Variants in PCDH11X observed in about 807,000 individuals in gnomAD.
PCDH11X encodes protocadherin 11 X-linked.
Under a neutral mutation model 53.3 loss-of-function variants are expected in PCDH11X, and 18 were observed. That is an observed-to-expected ratio of 0.34 (90% confidence interval 0.23 to 0.50). The LOEUF (loss-of-function observed/expected upper bound fraction) is 0.50. Ranked by LOEUF, PCDH11X falls within the 20% of genes least tolerant of loss-of-function variation. PCDH11X has a pLI of 0.98. For synonymous variants in PCDH11X, 279 were observed against 393.3 expected (o/e 0.71, Z 3.44); for missense variants, 570 against 1,032.4 (o/e 0.55, Z 6.14).
intron 10 of PCDH11X, among the ~76,000 whole-genome samples, chrX:92,607,925 A>T (rs1926990061): frequency 9.0e-6 from 1 of 111,293 alleles, no homozygotes; most frequent in South Asian, 3.7e-4. Context: ...TTGTGCAAAA[A>T]ATATAGAACA....
intron 6 of PCDH11X, among the ~76,000 whole-genome samples, chrX:91,917,569 CAAAAAAAA>C (rs59199030): frequency 4.4e-4 from 7 of 15,890 alleles, no homozygotes; most frequent in South Asian, 0.015. Context: ...ACAGCAGCTG[CAAAAAAAA>C]AAAAAAAAAA....
intron 2 of PCDH11X, among the ~76,000 whole-genome samples, chrX:91,809,981 T>C (rs1450121534): frequency 9.0e-6 from 1 of 111,396 alleles, no homozygotes; most frequent in Non-Finnish European, 1.9e-5. Context: ...ATTAGTATCA[T>C]TATTATCACT....
intron 7 of PCDH11X, among the ~76,000 whole-genome samples, chrX:92,221,366 C>T (rs1474848896): frequency 2.9e-5 from 3 of 104,780 alleles, no homozygotes; most frequent in Non-Finnish European, 5.8e-5. Context: ...CAGATTGGTT[C>T]TGGTCCGAGG....
chrX:91,811,700 C>G (rs1185789435), intron 4 of PCDH11X, among the ~76,000 whole-genome samples: 3 of 104,815 alleles, frequency 2.9e-5, no homozygotes, highest in Non-Finnish European at 5.9e-5. Context: ...TATCAGTGTA[C>G]TGAAAAATTC....
At chrX:92,076,086 C>T (rs1052056968) in intron 6 of PCDH11X, among the ~76,000 whole-genome samples, 1 of 108,708 alleles carries the variant, frequency 9.2e-6, no homozygotes, top group Non-Finnish European at 1.9e-5. Context: ...CCTGAACTCT[C>T]CTTGTGATTG....
chrX:91,806,245 G>A (rs1161314656), intron 1 of PCDH11X, among the ~76,000 whole-genome samples: 4 of 114,059 alleles, frequency 3.5e-5, no homozygotes, highest in African/African-American at 1.3e-4. Context: ...GTGAAGGAAT[G>A]TCTTGTGTGT....
At chrX:92,317,912 C>T (rs1481878666) in intron 8 of PCDH11X, among the ~76,000 whole-genome samples, 2 of 111,130 alleles carry the variant, frequency 1.8e-5, no homozygotes, top group African/African-American at 3.3e-5. Context: ...CCTCAACATA[C>T]AGTAATTTTT....
At chrX:92,194,197 T>G (rs1257474457) in intron 6 of PCDH11X, among the ~76,000 whole-genome samples, 1 of 111,857 alleles carries the variant, frequency 8.9e-6, no homozygotes, top group Non-Finnish European at 1.9e-5. Flanking sequence ...GTGCCTACAT[T>G]GAGGAGTAAT....
chrX:92,122,075 C>A (rs1164432877), intron 6 of PCDH11X, among the ~76,000 whole-genome samples: 4 of 105,991 alleles, frequency 3.8e-5, no homozygotes, highest in Middle Eastern at 4.8e-3. Flanking sequence ...ACCTCCACCT[C>A]CTGGGTTCAA....
intron 8 of PCDH11X, among the ~76,000 whole-genome samples, chrX:92,386,084 A>G (rs1403659480): frequency 8.9e-6 from 1 of 111,776 alleles, no homozygotes; most frequent in Non-Finnish European, 1.9e-5. Flanking sequence ...AACATATTCC[A>G]TAAGATATAT....
At chrX:92,601,469 G>A (rs1375841431) in intron 10 of PCDH11X, among the ~76,000 whole-genome samples, 37 of 97,464 alleles carry the variant, frequency 3.8e-4, no homozygotes, top group Admixed American at 6.8e-4. Flanking sequence ...GTAAAATGGC[G>A]TAGCTACTAA....
chrX:92,061,131 T>C (rs1165136545), intron 6 of PCDH11X, among the ~76,000 whole-genome samples: 1 of 112,240 alleles, frequency 8.9e-6, no homozygotes, highest in Non-Finnish European at 1.9e-5. Flanking sequence ...ATGTACACTT[T>C]TGCAAAGTAT....
chrX:92,107,771 C>T (rs1383352188), intron 6 of PCDH11X, among the ~76,000 whole-genome samples: 2 of 111,728 alleles, frequency 1.8e-5, no homozygotes, highest in African/African-American at 6.5e-5. Flanking sequence ...CCGAGCTGTA[C>T]CCCAACCACC....
At chrX:92,235,613 A>G (rs1372613195) in intron 7 of PCDH11X, among the ~76,000 whole-genome samples, 1 of 111,504 alleles carries the variant, frequency 9.0e-6, no homozygotes, top group Non-Finnish European at 1.9e-5. Context: ...TAGAGCTTTG[A>G]TAAAGCAAAC....
chrX:92,161,299 C>G (rs910056202), intron 6 of PCDH11X, among the ~76,000 whole-genome samples: 1 of 111,684 alleles, frequency 9.0e-6, no homozygotes, highest in African/African-American at 3.2e-5. Flanking sequence ...GGATACAAAA[C>G]TTTTGGCTGA....
chrX:92,044,225 G>A (rs1477185988), intron 6 of PCDH11X, among the ~76,000 whole-genome samples: 3 of 106,217 alleles, frequency 2.8e-5, no homozygotes, highest in Non-Finnish European at 3.9e-5. Flanking sequence ...GTCTACTAAA[G>A]TTTTTACTGA....
intron 1 of PCDH11X, among the ~76,000 whole-genome samples, chrX:91,802,367 C>A (rs1208905993): frequency 8.9e-6 from 1 of 111,845 alleles, no homozygotes; most frequent in Admixed American, 9.5e-5. Context: ...CTTTTTGGAT[C>A]CCCTGTTTCC....
At chrX:92,454,594 C>T (rs1301577943) in intron 9 of PCDH11X, among the ~76,000 whole-genome samples, 2 of 104,435 alleles carry the variant, frequency 1.9e-5, no homozygotes, top group African/African-American at 6.9e-5. Context: ...GCTTGGAAAA[C>T]TAAGTTGATG....
intron 9 of PCDH11X, among the ~76,000 whole-genome samples, chrX:92,407,412 G>A: frequency 9.3e-6 from 1 of 107,920 alleles, no homozygotes; most frequent in East Asian, 2.9e-4. Context: ...AGTAGTACAA[G>A]AGAGTTGTTG....
Sources: gnomAD v4.1 joint callset for allele counts (sites outside exome capture counted in the v4.1 genomes callset) on GRCh38, gnomAD v4.1.1 for gene constraint, MANE v1.5 for transcripts, NCBI Gene and HGNC (gene_info 2026-07-23, HGNC 2026-07-21) for gene names.